Variants in SLC49A4 observed in about 807,000 individuals in gnomAD.
SLC49A4 encodes the protein disrupted in renal cancer protein 2.
A neutral mutation model predicts 50.6 loss-of-function variants in SLC49A4; 36 were observed. The ratio of observed to expected loss-of-function variants is 0.71; its 90% CI spans 0.55 to 0.94. The LOEUF (loss-of-function observed/expected upper bound fraction) is 0.94. Ranked by LOEUF, SLC49A4 falls within the 40% of genes least tolerant of loss-of-function variation. The pLI is 0.00. For synonymous variants in SLC49A4, 248 were observed against 241.2 expected (o/e 1.03, Z -0.26); for missense variants, 503 against 605.7 (o/e 0.83, Z 1.78).
At chr3:122,863,753 C>A (rs1937083421) in intron 7 of SLC49A4, among the ~76,000 whole-genome samples, 1 of 152,108 alleles carries the variant, frequency 6.6e-6, no homozygotes, top group African/African-American at 2.4e-5. Context: ...CTTAGAATTT[C>A]TTTTACTGCT....
chr3:122,804,133 G>A lies in SLC49A4; in HGVS notation c.344-2724G>A, dbSNP rs540642450. ...GGTGCTGGCATTCACTCATCATCCAGGGAGGCCACAGGAAGCTTACAATCA... is the reference window on the plus strand; with the variant it reads ...GGTGCTGGCATTCACTCATCATCCAAGGAGGCCACAGGAAGCTTACAATCA... On this transcript the variant is annotated intron_variant, in intron 1 of 8. Transcript: ENST00000261038. 3.3e-4 allele frequency among the ~76,000 whole-genome samples: 51 copies of A among 152,312 alleles called. No individual in the cohort carries two copies. In the South Asian group the frequency reaches 6.6e-3, roughly 20 times the overall value.
intron 8 of SLC49A4, among the ~76,000 whole-genome samples, chr3:122,875,516 AATTTTTTGT>A (rs937274699): frequency 2.0e-5 from 3 of 151,994 alleles, no homozygotes; most frequent in African/African-American, 7.3e-5. Flanking sequence ...AAACCTGGCT[AATTTTTTGT>A]ATTTTTTGTA....
intron 6 of SLC49A4, among the ~76,000 whole-genome samples, chr3:122,857,725 G>A (rs1163445122): frequency 6.6e-6 from 1 of 152,098 alleles, no homozygotes; most frequent in Non-Finnish European, 1.5e-5. Flanking sequence ...ACATTGACCT[G>A]TCTTATTTTG....
In SLC49A4 at chr3:122,878,778, A is replaced by G. The variant is rs187583531; in HGVS notation, c.1322-485A>G. ...AAATATATTTTCTCATCTATTTTACAGTGATTTCTACTTAATGTTTTTGCT... is the reference window on the plus strand; with the variant it reads ...AAATATATTTTCTCATCTATTTTACGGTGATTTCTACTTAATGTTTTTGCT... On this transcript the variant is annotated intron_variant, in intron 8 of 8. Transcript: ENST00000261038. 6.1e-3 allele frequency among the ~76,000 whole-genome samples: 932 copies of G among 152,238 alleles called. 9 individuals are homozygous for G. Among genetic ancestry groups the G allele is most frequent in the African/African-American group, 0.021 (864 of 41,542 alleles).
intron 2 of SLC49A4, among the ~76,000 whole-genome samples, chr3:122,817,703 C>T (rs1205646518): frequency 2.0e-5 from 3 of 149,750 alleles, no homozygotes; most frequent in Admixed American, 2.0e-4. Flanking sequence ...ACCTGAGCTT[C>T]ACAAGTACCT....
intron 5 of SLC49A4, among the ~76,000 whole-genome samples, chr3:122,848,099 G>T (rs62261687): frequency 0.036 from 5,455 of 152,122 alleles, 128 homozygotes; most frequent in Middle Eastern, 0.088. Flanking sequence ...AGAAAGTTCT[G>T]TTGGACAGTG....
intron 2 of SLC49A4, among the ~76,000 whole-genome samples, chr3:122,808,789 CATAGTGGTGGCAGTGGGA>C (rs1936259112): frequency 6.6e-6 from 1 of 152,114 alleles, no homozygotes. Flanking sequence ...TGGCTTGGAC[CATAGTGGTGGCAGTGGGA>C]GTGGTGAGAA....
chr3:122,830,209 A>G (rs1936589368), intron 3 of SLC49A4, among the ~76,000 whole-genome samples: 2 of 152,242 alleles, frequency 1.3e-5, no homozygotes, highest in South Asian at 4.1e-4. Context: ...TTCCATGTTC[A>G]TGTTGGGAGG....
intron 5 of SLC49A4, among the ~76,000 whole-genome samples, chr3:122,848,553 A>G (rs945983565): frequency 9.2e-5 from 14 of 152,120 alleles, no homozygotes; most frequent in African/African-American, 1.7e-4. Flanking sequence ...TTAGGTCCCA[A>G]TGTCTCTGAA....
chr3:122,826,751 A>G (rs183116042), intron 2 of SLC49A4, 49 bp from the exon 3 acceptor site: 2 of 1,587,876 alleles, frequency 1.3e-6, no homozygotes, highest in African/African-American at 2.7e-5. Context: ...TTTGTCTTAG[A>G]AAATGCCTGT....
intron 5 of SLC49A4, among the ~76,000 whole-genome samples, chr3:122,853,421 G>T (rs747220055): frequency 8.5e-5 from 13 of 152,102 alleles, no homozygotes; most frequent in East Asian, 5.8e-4. Context: ...GGTATTCCAA[G>T]TATGCTCAGT....
intron 5 of SLC49A4, among the ~76,000 whole-genome samples, chr3:122,852,054 C>T (rs528639937): frequency 1.2e-4 from 17 of 145,562 alleles, no homozygotes; most frequent in Admixed American, 2.8e-4. Flanking sequence ...AGTGCAGCGG[C>T]GTGATCAGCT....
At chr3:122,843,901 A>T (rs974609618) in intron 4 of SLC49A4, among the ~76,000 whole-genome samples, 1 of 152,190 alleles carries the variant, frequency 6.6e-6, no homozygotes. Context: ...CTGTTTCAAG[A>T]TGCACCCCTG....
At chr3:122,798,939 C>A (rs28617276) in intron 1 of SLC49A4, among the ~76,000 whole-genome samples, 103,574 of 151,820 alleles carry the variant, frequency 0.68, 36,016 homozygotes, top group Non-Finnish European at 0.77. Context: ...TGCTGCCTCA[C>A]GCCCCAGCCT....
chr3:122,804,762 G>A (rs370021825), intron 1 of SLC49A4, among the ~76,000 whole-genome samples: 3 of 152,216 alleles, frequency 2.0e-5, no homozygotes, highest in African/African-American at 4.8e-5. Flanking sequence ...TAGGATTATA[G>A]GCGTGAACCA....
At chr3:122,836,463 G>T (rs566381768) in intron 4 of SLC49A4, among the ~76,000 whole-genome samples, 45 of 152,094 alleles carry the variant, frequency 3.0e-4, no homozygotes, top group East Asian at 2.9e-3. Context: ...TCTCTTTTTT[G>T]GTTGTGTCTC....
At chr3:122,866,522 A>G (rs1937123397) in intron 7 of SLC49A4, among the ~76,000 whole-genome samples, 1 of 152,154 alleles carries the variant, frequency 6.6e-6, no homozygotes, top group Non-Finnish European at 1.5e-5. Context: ...CTCCCACAAG[A>G]GAAGACATCA....
At chr3:122,818,788 A>G (rs1209623599) in intron 2 of SLC49A4, among the ~76,000 whole-genome samples, 2 of 152,062 alleles carry the variant, frequency 1.3e-5, no homozygotes, top group Non-Finnish European at 2.9e-5. Context: ...TACTAAAAAT[A>G]TAAAAATTAG....
At chr3:122,862,855 T>C (rs1258052849) in intron 7 of SLC49A4, among the ~76,000 whole-genome samples, 1 of 152,232 alleles carries the variant, frequency 6.6e-6, no homozygotes, top group East Asian at 1.9e-4. Context: ...TAATCTCTTT[T>C]TTTTGGTCTG....
Sources: gnomAD v4.1 joint callset for allele counts (sites outside exome capture counted in the v4.1 genomes callset) on GRCh38, gnomAD v4.1.1 for gene constraint, MANE v1.5 for transcripts, NCBI Gene and HGNC (gene_info 2026-07-23, HGNC 2026-07-21) for gene names.